LAMA1: variants seen among roughly 807,000 people sequenced by gnomAD.
LAMA1 encodes laminin subunit alpha 1.
A neutral mutation model predicts 348.7 loss-of-function variants in LAMA1; 219 were observed. The ratio of observed to expected loss-of-function variants is 0.63; its 90% confidence interval spans 0.56 to 0.70. The LOEUF (loss-of-function observed/expected upper bound fraction) is 0.70. Ranked by LOEUF, LAMA1 falls within the 30% of genes least tolerant of loss-of-function variation. The pLI is 0.00. For missense variants in LAMA1, 3,744 were observed against 3,888.0 expected (o/e 0.96, Z 0.99); for synonymous variants, 1,487 against 1,491.0 (o/e 1.00, Z 0.06).
intron 1 of LAMA1, among the ~76,000 whole-genome samples, chr18:7,106,215 C>T (rs2058311189): frequency 6.6e-6 from 1 of 152,118 alleles, no homozygotes; most frequent in Non-Finnish European, 1.5e-5. Flanking sequence ...GGATCAATGC[C>T]CCAACTTGCA....
chr18:6,993,863 T>C, intron 34 of LAMA1, 111 bp from the exon 35 acceptor site: 1 of 739,024 alleles, frequency 1.4e-6, no homozygotes, highest in Non-Finnish European at 2.5e-6. Flanking sequence ...CAACAACATA[T>C]ATTCCAGAAT....
chr18:6,997,368 C>A (rs2057786624), intron 33 of LAMA1, among the ~76,000 whole-genome samples: 1 of 152,140 alleles, frequency 6.6e-6, no homozygotes, highest in Admixed American at 6.5e-5. Context: ...CCGTGCCTGG[C>A]CTATTTTCTG....
At chr18:7,072,938 C>T (rs1417820959) in intron 3 of LAMA1, among the ~76,000 whole-genome samples, 8 of 152,034 alleles carry the variant, frequency 5.3e-5, no homozygotes, top group Admixed American at 5.2e-4. Flanking sequence ...CAGCAGCGGC[C>T]CTCTGCCTTG....
intron 22 of LAMA1, among the ~76,000 whole-genome samples, chr18:7,014,848 T>C (rs2483371): frequency 6.6e-6 from 1 of 151,454 alleles, no homozygotes; most frequent in African/African-American, 2.4e-5. Context: ...GATTTTCTTT[T>C]CTTTTCTTTT....
At chr18:7,033,677 A>G (rs2057981327) in intron 14 of LAMA1, among the ~76,000 whole-genome samples, 1 of 151,994 alleles carries the variant, frequency 6.6e-6, no homozygotes, top group Non-Finnish European at 1.5e-5. Context: ...AATCCATTCA[A>G]TTATCACAAA....
chr18:7,016,359 G>T, intron 21 of LAMA1, 132 bp downstream of exon 21: 1 of 994,762 alleles, frequency 1.0e-6, no homozygotes, highest in East Asian at 2.5e-5. Context: ...CCAGAAAAAA[G>T]GTATGAAATC....
chr18:6,955,035 G>C, intron 57 of LAMA1: 1 of 392,626 alleles, frequency 2.5e-6, no homozygotes, highest in Non-Finnish European at 4.8e-6. Context: ...AAGTGGAATG[G>C]GGTTGAAAGT....
chr18:7,108,009 G>T (rs187878551), intron 1 of LAMA1, among the ~76,000 whole-genome samples: 1 of 145,156 alleles, frequency 6.9e-6, no homozygotes, highest in Non-Finnish European at 1.5e-5. Context: ...GCGAGACTCC[G>T]TCTCAAATAA....
Position 7,036,091 on chromosome 18 carries a change from G to A in LAMA1, c.1738-3C>T. ...AGGAATCCGCCAAACGCAGTCAGCT[G>A]AAATGTTTAAGCGAGAATGAACACG... On this transcript the variant is annotated splice_region_variant and splice_polypyrimidine_tract_variant and intron_variant, in intron 12 of 62. Coordinates refer to ENST00000389658, the MANE Select transcript of LAMA1 (RefSeq NM_005559.4). The A allele has an allele frequency of 6.2e-7, 1 of 1,609,264 alleles. No homozygotes were observed. Among genetic ancestry groups the A allele is most frequent in the East Asian group, 2.2e-5 (1 of 44,860 alleles).
chr18:6,954,961 GGGAT>G, intron 57 of LAMA1: 2 of 328,274 alleles, frequency 6.1e-6, no homozygotes, highest in Non-Finnish European at 1.2e-5. Context: ...TGTGGCACTC[GGGAT>G]TTTGGCCACC....
rs201697553 is a variant in LAMA1, at chr18:6,982,450, G to A, written c.5890+47C>T. ...ATTCTTAGAGGCTGCTCAGCGAGAC[G>A]CTCACGCTCACTCTGCCTGTCTACA... On this transcript the variant is annotated intron_variant, in intron 41 of 62. Coordinates refer to ENST00000389658, the MANE Select transcript of LAMA1 (RefSeq NM_005559.4). 1.9e-5 allele frequency: 28 copies of A among 1,485,410 alleles called. No individual in the cohort carries two copies. In the East Asian group the frequency reaches 2.9e-4, roughly 16 times the overall value. The allele number at this position is 1,485,410 out of a possible 1,614,324, so 92.0% of individuals were successfully genotyped here.
intron 57 of LAMA1, among the ~76,000 whole-genome samples, chr18:6,952,075 C>A (rs1393753919): frequency 6.6e-6 from 1 of 152,064 alleles, no homozygotes; most frequent in Non-Finnish European, 1.5e-5. Flanking sequence ...TAAGTGGAGG[C>A]CAGAGCTACA....
chr18:7,084,156 G>T (rs939890555), intron 1 of LAMA1, among the ~76,000 whole-genome samples: 1 of 147,784 alleles, frequency 6.8e-6, no homozygotes, highest in African/African-American at 2.6e-5. Flanking sequence ...GTTTTAAACA[G>T]AATTTTTATT....
At chr18:7,005,224 T>C (rs542798427) in intron 29 of LAMA1, among the ~76,000 whole-genome samples, 75 of 152,206 alleles carry the variant, frequency 4.9e-4, no homozygotes, top group Non-Finnish European at 9.4e-4. Context: ...ACAAGGTATC[T>C]GTTAAGATCC....
intron 60 of LAMA1, 146 bp from the exon 61 acceptor site, chr18:6,947,442 C>A: frequency 1.1e-6 from 1 of 898,160 alleles, no homozygotes; most frequent in East Asian, 2.6e-5. Context: ...CACTCCTGCC[C>A]TCTGAGCCTC....
intron 36 of LAMA1, 122 bp downstream of exon 36, chr18:6,992,439 C>G (rs1421180696): frequency 3.6e-6 from 4 of 1,116,314 alleles, no homozygotes; most frequent in Admixed American, 1.7e-5. Context: ...CCCTTCTCCT[C>G]TCTTAGGATA....
At chr18:7,096,032 C>T (rs988981219) in intron 1 of LAMA1, among the ~76,000 whole-genome samples, 1 of 152,222 alleles carries the variant, frequency 6.6e-6, no homozygotes, top group East Asian at 1.9e-4. Context: ...CGCGCCATTG[C>T]GCTCCAGCCC....
At chr18:6,982,999 ATG>A in intron 40 of LAMA1, 98 bp downstream of exon 40, 2 of 1,463,108 alleles carry the variant, frequency 1.4e-6, no homozygotes, top group Non-Finnish European at 1.9e-6. Flanking sequence ...CCAGAAAAGA[ATG>A]TTAATAGGCA....
chr18:6,993,715 C>T lies in LAMA1; in HGVS notation c.4934G>A (p.Arg1645Lys). The change falls in exon 35 of 63, where the codon AGG (arginine) becomes AAG (lysine). Residue 1645 changes from arginine (R) to lysine (K), a missense_variant. By Grantham distance (26) the Arg-to-Lys change is conservative. Coordinates refer to ENST00000389658, the MANE Select transcript of LAMA1 (RefSeq NM_005559.4). Reference protein sequence around the residue: ...RMLASTQKVNRATERIFKESQ... With the variant: ...RMLASTQKVNKATERIFKESQ... ...CTCCTTGAAGATTCTCTCAGTTGCC[C>T]TATTCACCTTTTGGGTACTCGCTAA... 6.2e-7 allele frequency: 1 copy of T among 1,613,978 alleles called. No homozygotes were observed. Among genetic ancestry groups the T allele is most frequent in the Non-Finnish European group, 8.5e-7 (1 of 1,179,906 alleles).
Sources: allele counts gnomAD v4.1 joint callset (sites outside exome capture counted in the v4.1 genomes callset), GRCh38; gene constraint gnomAD v4.1.1; transcripts MANE v1.5; gene names NCBI Gene and HGNC (gene_info 2026-07-23, HGNC 2026-07-21).